The following PRKAR2B variants were observed in gnomAD, a reference collection of about 807,000 sequenced individuals.
PRKAR2B encodes cAMP-dependent protein kinase type II-beta regulatory subunit.
Under a neutral mutation model 49.9 loss-of-function variants are expected in PRKAR2B, and 14 were observed. That is an observed-to-expected ratio of 0.28 (90% confidence interval 0.19 to 0.44). The LOEUF (loss-of-function observed/expected upper bound fraction) is 0.44, where lower values mean the gene tolerates loss of function less well. Among genes scored for constraint, PRKAR2B ranks in the 20% least tolerant of loss-of-function variants. The pLI is 1.00. For missense variants in PRKAR2B, 393 were observed against 537.9 expected, an observed-to-expected ratio of 0.73 and a Z score of 2.67; for synonymous variants, 196 against 197.7, an observed-to-expected ratio of 0.99 and a Z score of 0.07.
At chr7:107,106,098 A>T (rs1795067668) in intron 2 of PRKAR2B, among the ~76,000 whole-genome samples, 1 of 152,208 alleles carries the variant, frequency 6.6e-6, no homozygotes. Context: ...GGTCTACATT[A>T]GTGTATTTCC....
chr7:107,159,674 C>G lies in PRKAR2B; in HGVS notation c.*92C>G. The G allele has an allele frequency of 7.2e-7, 1 of 1,395,638 alleles. No individual in the cohort carries two copies. The highest frequency in any genetic ancestry group is 9.8e-7 in the Non-Finnish European group (1 of 1,022,784). The allele number at this position is 1,395,638 out of a possible 1,614,324, so 86.5% of individuals were successfully genotyped here. On this transcript the variant is annotated 3_prime_UTR_variant, in exon 11 of 11. Coordinates refer to ENST00000265717, the MANE Select transcript of PRKAR2B (RefSeq NM_002736.3). ...TGTTTGTGTAGATGCCAAGCATTTT[C>G]TGTGATTTCAGGTTTTTTCCTTTTT...
rs180900467 is a variant in PRKAR2B at position 107,149,087 on chromosome 7, G to A, written c.742-1835G>A. On this transcript the variant is annotated intron_variant, in intron 6 of 10. Transcript: ENST00000265717. ...CTGATTACATATCAGAATCACTTTG[G>A]GAGCATTTATGAATTATTGAGCCCT... 6.8e-3 allele frequency among the ~76,000 whole-genome samples: 1,029 copies of A among 152,196 alleles called. 4 individuals are homozygous for A. Among genetic ancestry groups the A allele is most frequent in the Non-Finnish European group, 8.5e-3 (577 of 68,000 alleles).
At chr7:107,050,329 C>T (rs899262346) in intron 1 of PRKAR2B, among the ~76,000 whole-genome samples, 5 of 131,402 alleles carry the variant, frequency 3.8e-5, no homozygotes, top group African/African-American at 1.6e-4. Flanking sequence ...AAGACAGTTA[C>T]CAGCTTTTTT....
chr7:107,152,654 A>T (rs764932008), intron 7 of PRKAR2B, among the ~76,000 whole-genome samples: 24 of 152,248 alleles, frequency 1.6e-4, no homozygotes, highest in Non-Finnish European at 3.1e-4. Flanking sequence ...CATCTTATAA[A>T]ATGGCAAGTG....
rs1794238224 is a variant in PRKAR2B at position 107,070,293 on chromosome 7, A to C, written c.320A>C (p.Asn107Thr). 1 of 1,607,748 alleles carries C rather than the reference A, an allele frequency of 6.2e-7. No individual in the cohort carries two copies. Among genetic ancestry groups the C allele is most frequent in the Non-Finnish European group, 8.5e-7 (1 of 1,175,782 alleles). The change falls in exon 2 of 11, where the codon AAC (asparagine) becomes ACC (threonine). Residue 107 changes from asparagine to threonine, a missense_variant. By Grantham distance (65) the Asn-to-Thr change is moderately conservative. Around this residue, in one of 2 missense-constraint regions of PRKAR2B, gnomAD observed 233 missense variants for 390.4 expected, o/e 0.60. Transcript: ENST00000265717. Reference sequence around the variant, plus strand: ...CTTTTTCTTTTAGCTCCAGTAATAAACCGATTCACAAGGCGTGCCTCAGGT... The same window carrying C: ...CTTTTTCTTTTAGCTCCAGTAATAACCCGATTCACAAGGCGTGCCTCAGGT... ...DAGAFNAPVI[N>T]RFTRRASVCA... is the part of the protein sequence containing the mutation.
At chr7:107,106,695 G>A (rs1795080465) in intron 2 of PRKAR2B, among the ~76,000 whole-genome samples, 1 of 152,160 alleles carries the variant, frequency 6.6e-6, no homozygotes, top group African/African-American at 2.4e-5. Flanking sequence ...GCAGTCGGGG[G>A]TATAGGCTGA....
intron 3 of PRKAR2B, among the ~76,000 whole-genome samples, chr7:107,122,799 T>C (rs1000169515): frequency 1.3e-5 from 2 of 152,188 alleles, no homozygotes; most frequent in African/African-American, 4.8e-5. Flanking sequence ...CCTTGAAACT[T>C]ATGTAAAATC....
chr7:107,058,989 T>A (rs552277275), intron 1 of PRKAR2B, among the ~76,000 whole-genome samples: 1 of 152,286 alleles, frequency 6.6e-6, no homozygotes, highest in East Asian at 1.9e-4. Flanking sequence ...TTCAAGGTTT[T>A]TTATTTTTTT....
intron 2 of PRKAR2B, among the ~76,000 whole-genome samples, chr7:107,091,499 C>T (rs1490971625): frequency 2.6e-5 from 4 of 152,152 alleles, no homozygotes; most frequent in Non-Finnish European, 5.9e-5. Context: ...GTGCACATTC[C>T]ACTCAGTGAG....
At chr7:107,136,380 A>G (rs1795702145) in intron 4 of PRKAR2B, among the ~76,000 whole-genome samples, 1 of 152,202 alleles carries the variant, frequency 6.6e-6, no homozygotes, top group Non-Finnish European at 1.5e-5. Flanking sequence ...CAGAATGAAA[A>G]GACAGGCTCA....
At chr7:107,126,420 CA>C (rs35682952) in intron 3 of PRKAR2B, among the ~76,000 whole-genome samples, 773 of 38,402 alleles carry the variant, frequency 0.02, 2 homozygotes, top group Middle Eastern at 0.048. Context: ...GAATCTGTCT[CA>C]AAAAAAAAAA....
intron 2 of PRKAR2B, among the ~76,000 whole-genome samples, chr7:107,079,006 T>A (rs1266794654): frequency 6.6e-6 from 1 of 152,204 alleles, no homozygotes; most frequent in East Asian, 1.9e-4. Flanking sequence ...GGGAATTATG[T>A]AACCCACCAA....
chr7:107,095,196 T>C (rs1794812745), intron 2 of PRKAR2B, among the ~76,000 whole-genome samples: 1 of 152,218 alleles, frequency 6.6e-6, no homozygotes, highest in African/African-American at 2.4e-5. Flanking sequence ...CAGTGGTTTG[T>C]AGTTCTCCTT....
intron 2 of PRKAR2B, among the ~76,000 whole-genome samples, chr7:107,105,628 C>G (rs573597818): frequency 6.6e-6 from 1 of 152,266 alleles, no homozygotes; most frequent in African/African-American, 2.4e-5. Flanking sequence ...GGTAAGGTGT[C>G]ATTGGGAGCT....
intron 1 of PRKAR2B, among the ~76,000 whole-genome samples, chr7:107,064,354 A>G (rs919751452): frequency 6.6e-6 from 1 of 152,200 alleles, no homozygotes; most frequent in African/African-American, 2.4e-5. Context: ...AGTAAATATA[A>G]AGAAAGTCTT....
At chr7:107,151,250 A>G (rs1397017897) in intron 7 of PRKAR2B, among the ~76,000 whole-genome samples, 1 of 152,228 alleles carries the variant, frequency 6.6e-6, no homozygotes, top group Non-Finnish European at 1.5e-5. Context: ...CCCAGCATCT[A>G]TAGCAAATTT....
At chr7:107,076,965 C>A (rs557804331) in intron 2 of PRKAR2B, among the ~76,000 whole-genome samples, 9 of 152,220 alleles carry the variant, frequency 5.9e-5, no homozygotes, top group Admixed American at 4.6e-4. Flanking sequence ...CCTTGATTCA[C>A]GGAACATATG....
chr7:107,133,548 A>G (rs1242136775), intron 4 of PRKAR2B: 1 of 152,164 alleles, frequency 6.6e-6, no homozygotes, highest in East Asian at 1.9e-4. Context: ...TTTGGGTAGA[A>G]TGGTCCCTGT....
At position 107,160,194 on chromosome 7, in the gene PRKAR2B, AACAT is replaced by A. The variant is rs1380490826; in HGVS notation, c.*618_*621del. On this transcript the variant is annotated 3_prime_UTR_variant, in exon 11 of 11. Transcript: ENST00000265717. Reference sequence around the variant, plus strand: ...TTGACTTTGTTGGCATAATGTCAGTAACATACATATTCCAGTGGTTTTATGGACA... The same window carrying A: ...TTGACTTTGTTGGCATAATGTCAGTAACATATTCCAGTGGTTTTATGGACA... The A allele has an allele frequency of 3.3e-5, 5 of 152,652 alleles. No homozygotes were observed. The highest frequency in any genetic ancestry group is 1.3e-4 in the Admixed American group (2 of 15,276). 9.5% of individuals were successfully genotyped at this position (152,652 alleles called of 1,614,324 possible).
Sources: allele counts gnomAD v4.1 joint callset (sites outside exome capture counted in the v4.1 genomes callset), GRCh38; gene constraint gnomAD v4.1.1; regional missense constraint gnomAD v4.1.1; transcripts MANE v1.5; gene names NCBI Gene and HGNC (gene_info 2026-07-23, HGNC 2026-07-21).